PDSS2: variants seen among roughly 807,000 people sequenced by gnomAD.
PDSS2 encodes the protein all trans-polyprenyl-diphosphate synthase PDSS2.
In PDSS2, 31 loss-of-function variants were observed where a neutral mutation model predicts 44.5. That is an observed-to-expected ratio of 0.70 (90% CI 0.52 to 0.94). The LOEUF (loss-of-function observed/expected upper bound fraction) is 0.94. PDSS2 is among the 40% of genes least tolerant of loss of function. The pLI is 0.00. For missense variants in PDSS2, 452 were observed against 482.2 expected, an observed-to-expected ratio of 0.94 and a Z score of 0.59; for synonymous variants, 157 against 180.3, an observed-to-expected ratio of 0.87 and a Z score of 1.03.
chr6:107,219,831 AG>A (rs1338312759), intron 4 of PDSS2, among the ~76,000 whole-genome samples: 14 of 152,348 alleles, frequency 9.2e-5, no homozygotes, highest in African/African-American at 3.1e-4. Flanking sequence ...CTAAATGAAT[AG>A]TACCTGTTTA....
rs556029790 is a variant in PDSS2, at chr6:107,440,716, G to A, written c.296+18274C>T. Among the ~76,000 whole-genome samples, 484 of 152,344 alleles carry A rather than the reference G, an allele frequency of 3.2e-3. 2 individuals are homozygous for A. Among genetic ancestry groups the A allele is most frequent in the Non-Finnish European group, 5.6e-3 (382 of 68,028 alleles). On this transcript the variant is annotated intron_variant, in intron 1 of 7. Coordinates refer to ENST00000369037, the MANE Select transcript of PDSS2 (RefSeq NM_020381.4). Reference sequence around the variant, plus strand: ...TCATCATGCCAGAAAAAGCAAATGAGAGGCTTAAATAGAGGGATATATCCG... The same window carrying A: ...TCATCATGCCAGAAAAAGCAAATGAAAGGCTTAAATAGAGGGATATATCCG...
chr6:107,459,503 C>G lies in PDSS2; in HGVS notation c.-218G>C, dbSNP rs549003360. ...CAACAGTCCCAGCTCAGCACTGCCC[C>G]CGGCCACCCGGGGTAGAAACCACAG... On this transcript the variant is annotated 5_prime_UTR_variant, in exon 1 of 8. Coordinates refer to ENST00000369037, the MANE Select transcript of PDSS2 (RefSeq NM_020381.4). The surrounding 1 kb of genome is among the most constrained non-coding windows in gnomAD (Gnocchi z 4.3). 1.7e-6 allele frequency: 1 copy of G among 581,644 alleles called. No homozygotes were observed. The highest frequency in any genetic ancestry group is 2.1e-5 in the South Asian group (1 of 48,762). The allele number at this position is 581,644 out of a possible 1,614,324, so 36.0% of individuals were successfully genotyped here.
rs546662215 is a variant in PDSS2 at position 107,284,418 on chromosome 6, C to T, written c.432-10191G>A. Among the ~76,000 whole-genome samples, 6 of 152,062 alleles carry T rather than the reference C, an allele frequency of 3.9e-5. No individual in the cohort carries two copies. In the East Asian group the frequency reaches 7.7e-4, roughly 20 times the overall value. ...GCTCACACCTGTAATCCCAGCACTT[C>T]GGGAGGCCAACACAGGCGGATCACC... On this transcript the variant is annotated intron_variant, in intron 2 of 7. Coordinates refer to ENST00000369037, the MANE Select transcript of PDSS2 (RefSeq NM_020381.4).
At chr6:107,268,078 G>A (rs1287919839) in intron 3 of PDSS2, among the ~76,000 whole-genome samples, 1 of 152,134 alleles carries the variant, frequency 6.6e-6, no homozygotes, top group African/African-American at 2.4e-5. Flanking sequence ...AGGGCAGAAT[G>A]TTACTTGTCT....
chr6:107,367,861 G>C (rs1056772824), intron 1 of PDSS2, among the ~76,000 whole-genome samples: 1 of 150,674 alleles, frequency 6.6e-6, no homozygotes, highest in African/African-American at 2.4e-5. Context: ...GAGAAAAACT[G>C]TATTTGAGGG....
intron 1 of PDSS2, among the ~76,000 whole-genome samples, chr6:107,437,589 C>G (rs956850381): frequency 1.3e-5 from 2 of 150,164 alleles, no homozygotes; most frequent in African/African-American, 4.9e-5. Flanking sequence ...GGGATTGGTT[C>G]TAGGACCTCC....
At chr6:107,440,268 C>A (rs765753119) in intron 1 of PDSS2, among the ~76,000 whole-genome samples, 18 of 152,184 alleles carry the variant, frequency 1.2e-4, no homozygotes, top group Non-Finnish European at 2.5e-4. Context: ...CCAACACTAC[C>A]ATCTGTGGAC....
chr6:107,414,771 A>G (rs568469581), intron 1 of PDSS2, among the ~76,000 whole-genome samples: 87 of 152,358 alleles, frequency 5.7e-4, no homozygotes, highest in African/African-American at 2.1e-3. Flanking sequence ...CACAAAAAGG[A>G]TAACACATAG....
intron 1 of PDSS2, among the ~76,000 whole-genome samples, chr6:107,387,449 A>AT (rs1283410464): frequency 6.6e-6 from 1 of 152,202 alleles, no homozygotes; most frequent in Non-Finnish European, 1.5e-5. Context: ...TGATACCATT[A>AT]TTTTTGTAGG....
chr6:107,416,140 T>C (rs1350968816), intron 1 of PDSS2, among the ~76,000 whole-genome samples: 1 of 152,200 alleles, frequency 6.6e-6, no homozygotes, highest in Non-Finnish European at 1.5e-5. Flanking sequence ...TACTGTTATT[T>C]GGGGAAAATG....
chr6:107,402,479 C>CATATATATACTTATATATATGTATACAT (rs35496296), intron 1 of PDSS2, among the ~76,000 whole-genome samples: 12,571 of 42,170 alleles, frequency 0.3, 4,025 homozygotes, highest in Non-Finnish European at 0.37. Flanking sequence ...TATATGTATA[C>CATATATATACTTATATATATGTATACAT]ATATATACGT....
At position 107,379,819 on chromosome 6, in the gene PDSS2, T is replaced by C. The variant is rs77186637; in HGVS notation, c.297-45487A>G. On this transcript the variant is annotated intron_variant, in intron 1 of 7. Coordinates refer to ENST00000369037, the MANE Select transcript of PDSS2 (RefSeq NM_020381.4). ...GCATGAAATTTATTTTACTGCCAAA[T>C]TGAAAATACTTTTTGTTAATAGGTG... Among the ~76,000 whole-genome samples the C allele has an allele frequency of 8.0e-3, 1,212 of 152,232 alleles. 48 individuals carry two copies. The East Asian group carries it at 0.12, about 15-fold the overall frequency.
intron 1 of PDSS2, among the ~76,000 whole-genome samples, chr6:107,414,495 C>A (rs766954847): frequency 1.3e-5 from 2 of 152,198 alleles, no homozygotes; most frequent in Non-Finnish European, 2.9e-5. Context: ...TTGGCATTAG[C>A]CCCTGCAAGT....
intron 2 of PDSS2, among the ~76,000 whole-genome samples, chr6:107,275,382 T>A (rs888241497): frequency 1.3e-5 from 2 of 152,126 alleles, no homozygotes; most frequent in African/African-American, 4.8e-5. Flanking sequence ...AATGTAGACC[T>A]GAAAATCTGT....
chr6:107,429,901 A>AAAAATATATATATATAT (rs1166637352), intron 1 of PDSS2, among the ~76,000 whole-genome samples: 1 of 31,850 alleles, frequency 3.1e-5, no homozygotes, highest in African/African-American at 1.3e-4. Flanking sequence ...AAAAAAAAAA[A>AAAAATATATATATATAT]ATATATATAT....
intron 1 of PDSS2, among the ~76,000 whole-genome samples, chr6:107,376,794 T>C (rs1476135381): frequency 6.6e-6 from 1 of 152,168 alleles, no homozygotes; most frequent in Non-Finnish European, 1.5e-5. Flanking sequence ...TCCAACACTA[T>C]GTTGAATAGG....
At chr6:107,411,873 CTTCTTCTTTTTT>C (rs1305345470) in intron 1 of PDSS2, among the ~76,000 whole-genome samples, 14 of 120,424 alleles carry the variant, frequency 1.2e-4, no homozygotes, top group Admixed American at 1.1e-3. Context: ...TGTACTTCTT[CTTCTTCTTTTTT>C]TTTTTTTTTT....
At chr6:107,307,231 G>GT (rs1489673497) in intron 2 of PDSS2, among the ~76,000 whole-genome samples, 1 of 152,180 alleles carries the variant, frequency 6.6e-6, no homozygotes, top group Non-Finnish European at 1.5e-5. Flanking sequence ...GCTTGGTGAT[G>GT]CCTTTACACC....
At chr6:107,254,407 T>A (rs1049896185) in intron 3 of PDSS2, among the ~76,000 whole-genome samples, 10 of 152,184 alleles carry the variant, frequency 6.6e-5, no homozygotes, top group South Asian at 6.2e-4. Flanking sequence ...GCAGATTTTT[T>A]AAAAAGTTGG....
Sources: allele counts gnomAD v4.1 joint callset (sites outside exome capture counted in the v4.1 genomes callset), GRCh38; gene constraint gnomAD v4.1.1; non-coding constraint Gnocchi (gnomAD v3.1); transcripts MANE v1.5; gene names NCBI Gene and HGNC (gene_info 2026-07-23, HGNC 2026-07-21).